LCP1: variants seen among roughly 807,000 people sequenced by gnomAD.
The protein encoded by LCP1 is plastin-2.
LCP1 carries 23 observed loss-of-function variants against 72.0 expected under a neutral mutation model. The observed-to-expected ratio is 0.32, with a 90% CI of 0.23 to 0.45. The LOEUF is 0.45. LCP1 is among the 20% of genes least tolerant of loss of function. LCP1 has a pLI of 1.00. For synonymous variants in LCP1, 245 were observed against 275.4 expected (o/e 0.89, Z 1.09); for missense variants, 571 against 748.3 (o/e 0.76, Z 2.76).
Position 46,154,874 on chromosome 13 carries a change from G to A in LCP1, c.504C>T (p.Asn168=), listed in dbSNP as rs372496228. 2 of 1,613,338 alleles carry A rather than the reference G, an allele frequency of 1.2e-6. No homozygotes were observed. Among genetic ancestry groups the A allele is most frequent in the African/African-American group, 1.3e-5 (1 of 74,916 alleles). The change falls in exon 6 of 16, where the codon AAC becomes AAT. Residue 168 remains asparagine (N), a synonymous_variant. Transcript: ENST00000323076. ...GDGIVLCKMI[N]LSVPDTIDER... ...CATCAATTGTGTCTGGCACTGACAG[G>A]TTGATCATTTTACTGAAAGAGAAAC... is the stretch of plus-strand genomic sequence containing the variant.
intron 13 of LCP1, among the ~76,000 whole-genome samples, chr13:46,139,875 C>T (rs931489981): frequency 6.6e-6 from 1 of 152,160 alleles, no homozygotes; most frequent in Non-Finnish European, 1.5e-5. Context: ...AAAGGAACTT[C>T]TGTTTCTGGC....
rs529802913 is a variant in LCP1 at position 46,149,273 on chromosome 13, A to G, written c.883-826T>C. On this transcript the variant is annotated intron_variant, in intron 8 of 15. Transcript: ENST00000323076. ...GGTAAGGCCTGGGCAGAGGAGAGGT[A>G]TGCTCACCACTTTTGGCATTAGAAA... Among the ~76,000 whole-genome samples the G allele has an allele frequency of 7.9e-5, 12 of 152,322 alleles. No individual in the cohort carries two copies. The East Asian group carries it at 2.3e-3, about 29-fold the overall frequency.
chr13:46,137,536 GT>G (rs2045672288), intron 13 of LCP1, among the ~76,000 whole-genome samples: 1 of 151,938 alleles, frequency 6.6e-6, no homozygotes, highest in South Asian at 2.1e-4. Flanking sequence ...GCAAAACTCT[GT>G]CTCAAAAAAA....
chr13:46,134,051 A>C (rs2138219928), intron 14 of LCP1, 76 bp downstream of exon 14: 1 of 1,499,788 alleles, frequency 6.7e-7, no homozygotes, highest in East Asian at 2.3e-5. Context: ...ACTGAAGGTC[A>C]CTTGAACACA....
intron 11 of LCP1, among the ~76,000 whole-genome samples, chr13:46,143,717 C>G (rs2045712236): frequency 6.6e-6 from 1 of 152,212 alleles, no homozygotes; most frequent in Non-Finnish European, 1.5e-5. Flanking sequence ...TATAACAAAC[C>G]TGCACATGTC....
chr13:46,180,304 ATT>A (rs2045950391), intron 1 of LCP1, among the ~76,000 whole-genome samples: 1 of 152,224 alleles, frequency 6.6e-6, no homozygotes, highest in Non-Finnish European at 1.5e-5. Flanking sequence ...GCTCATAATT[ATT>A]GAGTGCTATT....
intron 10 of LCP1, among the ~76,000 whole-genome samples, chr13:46,145,090 G>A (rs2045721726): frequency 6.6e-6 from 1 of 152,188 alleles, no homozygotes; most frequent in Non-Finnish European, 1.5e-5. Context: ...AACTGGTTTG[G>A]TCAGGGGTGT....
intron 6 of LCP1, 115 bp from the exon 7 acceptor site, chr13:46,153,060 G>T: frequency 1.0e-6 from 1 of 994,926 alleles, no homozygotes; most frequent in Non-Finnish European, 1.4e-6. Context: ...TTAGAGTCAT[G>T]GTCTTCACTC....
intron 1 of LCP1, among the ~76,000 whole-genome samples, chr13:46,172,974 G>A (rs540421592): frequency 6.8e-4 from 104 of 152,264 alleles, no homozygotes; most frequent in African/African-American, 2.1e-3. Context: ...GAAGCAATGC[G>A]TGGGAAAAAC....
intron 1 of LCP1, among the ~76,000 whole-genome samples, chr13:46,163,324 C>G (rs1355248972): frequency 6.6e-6 from 1 of 152,210 alleles, no homozygotes; most frequent in Admixed American, 6.5e-5. Context: ...TGCTGTTAAT[C>G]TATAACCTTA....
At chr13:46,181,487 T>G (rs2045954992) in intron 1 of LCP1, among the ~76,000 whole-genome samples, 1 of 152,244 alleles carries the variant, frequency 6.6e-6, no homozygotes. Context: ...TTATACAAAT[T>G]GCTTTTATTT....
intron 1 of LCP1, among the ~76,000 whole-genome samples, chr13:46,160,819 G>C (rs1453259559): frequency 6.6e-6 from 1 of 152,150 alleles, no homozygotes; most frequent in Non-Finnish European, 1.5e-5. Context: ...GAGTGTGGGG[G>C]TTGGGGTGTT....
In LCP1 at chr13:46,158,971, T is replaced by A; in HGVS notation, c.83A>T (p.Tyr28Phe). 6.2e-7 allele frequency: 1 copy of A among 1,614,134 alleles called. No homozygotes were observed. The change falls in exon 3 of 16, where the codon TAC becomes TTC. Residue 28 changes from tyrosine to phenylalanine, a missense_variant. Transcript: ENST00000323076. ...FAKVDTDGNG[Y>F]ISFNELNDLF... ...GTCATTCAACTCATTGAAGCTGATG[T>A]ATCCATTGCCATCAGTATCTGTAAT...
intron 1 of LCP1, among the ~76,000 whole-genome samples, chr13:46,174,576 A>G (rs1237620774): frequency 1.3e-5 from 2 of 152,120 alleles, no homozygotes; most frequent in Non-Finnish European, 2.9e-5. Flanking sequence ...GGGTGCAGTG[A>G]CTCACACTTG....
chr13:46,151,122 TGG>T, intron 7 of LCP1, 44 bp from the exon 8 acceptor site: 1 of 1,575,980 alleles, frequency 6.3e-7, no homozygotes, highest in Admixed American at 2.0e-5. Context: ...GCAGCGATGT[TGG>T]GGGAGGGGGG....
In LCP1 at chr13:46,151,082, A is replaced by G; in HGVS notation, c.740-4T>C. On this transcript the variant is annotated splice_polypyrimidine_tract_variant and splice_region_variant and intron_variant, in intron 7 of 15. Coordinates refer to ENST00000323076, the MANE Select transcript of LCP1 (RefSeq NM_002298.5). ...TCTCTCAAAAGAGCAATCAGAGCTGAAGAAGCACAAAAACCACAGAAAAAT... is the reference window on the plus strand; with the variant it reads ...TCTCTCAAAAGAGCAATCAGAGCTGGAGAAGCACAAAAACCACAGAAAAAT... 1 of 1,604,164 alleles carries G rather than the reference A, an allele frequency of 6.2e-7. No individual in the cohort carries two copies. The highest frequency in any genetic ancestry group is 2.2e-5 in the East Asian group (1 of 44,800).
chr13:46,162,591 T>G (rs1380268657), intron 1 of LCP1, among the ~76,000 whole-genome samples: 1 of 152,094 alleles, frequency 6.6e-6, no homozygotes, highest in African/African-American at 2.4e-5. Flanking sequence ...CGGAGTCTCG[T>G]TCACTCAGTG....
At chr13:46,146,134 A>T (rs557963522) in intron 10 of LCP1, among the ~76,000 whole-genome samples, 1 of 152,288 alleles carries the variant, frequency 6.6e-6, no homozygotes, top group African/African-American at 2.4e-5. Context: ...AACAAAATAC[A>T]CACAACCCCC....
intron 1 of LCP1, among the ~76,000 whole-genome samples, chr13:46,164,022 A>G (rs2045862561): frequency 6.6e-6 from 1 of 152,248 alleles, no homozygotes; most frequent in African/African-American, 2.4e-5. Flanking sequence ...ATGAATGCCT[A>G]CTATAAGCCA....
Sources: gnomAD v4.1 joint callset for allele counts (sites outside exome capture counted in the v4.1 genomes callset) on GRCh38, gnomAD v4.1.1 for gene constraint, MANE v1.5 for transcripts, NCBI Gene and HGNC (gene_info 2026-07-23, HGNC 2026-07-21) for gene names.